Variants in SCFD1 observed in about 807,000 individuals in gnomAD.
SCFD1 encodes sec1 family domain-containing protein 1.
A neutral mutation model predicts 103.2 loss-of-function variants in SCFD1; 37 were observed. The ratio of observed to expected loss-of-function variants is 0.36; its 90% CI spans 0.28 to 0.47. The LOEUF is 0.47. Ranked by LOEUF, SCFD1 falls within the 20% of genes least tolerant of loss-of-function variation. The pLI, the probability that SCFD1 is intolerant of heterozygous loss-of-function variation, is 1.00. For synonymous variants in SCFD1, 264 were observed against 245.0 expected (o/e 1.08, Z -0.73); for missense variants, 639 against 761.2 (o/e 0.84, Z 1.89).
chr14:30,722,368 TTAA>T, intron 22 of SCFD1, 123 bp from the exon 23 acceptor site: 1 of 595,878 alleles, frequency 1.7e-6, no homozygotes, highest in Non-Finnish European at 2.8e-6. Flanking sequence ...GAAACATTTC[TTAA>T]TAATTAAAAT....
chr14:30,720,607 A>C (rs1371636747), intron 21 of SCFD1, among the ~76,000 whole-genome samples: 1 of 151,958 alleles, frequency 6.6e-6, no homozygotes, highest in Non-Finnish European at 1.5e-5. Flanking sequence ...TGTACACACT[A>C]TTTTTTTCTT....
intron 15 of SCFD1, among the ~76,000 whole-genome samples, chr14:30,695,774 A>G (rs1029924978): frequency 6.6e-6 from 1 of 151,860 alleles, no homozygotes; most frequent in Non-Finnish European, 1.5e-5. Flanking sequence ...TGGGAGACTG[A>G]GGTGGGAGGA....
intron 14 of SCFD1, among the ~76,000 whole-genome samples, chr14:30,692,957 C>T (rs112688777): frequency 0.016 from 2,496 of 152,226 alleles, 89 homozygotes; most frequent in African/African-American, 0.057. Flanking sequence ...CTACTGTGGC[C>T]TTTTTCCTAG....
chr14:30,718,121 T>C (rs1354440735), intron 20 of SCFD1, among the ~76,000 whole-genome samples: 1 of 152,194 alleles, frequency 6.6e-6, no homozygotes, highest in Non-Finnish European at 1.5e-5. Context: ...ATTCCCTTCA[T>C]GGAATCCCAG....
chr14:30,654,574 T>C (rs755531707), intron 10 of SCFD1, among the ~76,000 whole-genome samples: 13 of 151,670 alleles, frequency 8.6e-5, no homozygotes, highest in African/African-American at 1.2e-4. Flanking sequence ...TTTGGGTGGC[T>C]GAGGCTTGAG....
At chr14:30,682,616 C>T (rs990517489) in intron 14 of SCFD1, among the ~76,000 whole-genome samples, 5 of 152,108 alleles carry the variant, frequency 3.3e-5, no homozygotes, top group Admixed American at 3.3e-4. Flanking sequence ...CAATAATGAA[C>T]AAGCAGTCTC....
chr14:30,634,046 G>A lies in SCFD1; in HGVS notation c.312+9G>A, dbSNP rs878960889. On this transcript the variant is annotated intron_variant, in intron 4 of 24. Transcript: ENST00000458591. ...TTGACAGAATGTGCCAGGTAATATG[G>A]GTTCTTATTTTCTGGACTCCTGAAT... 3 of 1,493,436 alleles carry A rather than the reference G, an allele frequency of 2.0e-6. No homozygotes were observed. Among genetic ancestry groups the A allele is most frequent in the South Asian group, 2.5e-5 (2 of 80,652 alleles). The allele number at this position is 1,493,436 out of a possible 1,614,324, so 92.5% of individuals were successfully genotyped here. A position where few individuals can be genotyped will look rare whatever the true frequency, so the allele number is the denominator to read the frequency against.
chr14:30,698,143 G>A (rs367674519), intron 15 of SCFD1, among the ~76,000 whole-genome samples: 1 of 152,162 alleles, frequency 6.6e-6, no homozygotes, highest in Non-Finnish European at 1.5e-5. Context: ...TCTCCAAACT[G>A]TACTTAAAAT....
chr14:30,701,977 TTTAG>T (rs1401395957), intron 16 of SCFD1, among the ~76,000 whole-genome samples: 1 of 152,198 alleles, frequency 6.6e-6, no homozygotes, highest in African/African-American at 2.4e-5. Context: ...AAATCATTCA[TTTAG>T]TGTGTGTCCT....
chr14:30,694,654 C>T, intron 14 of SCFD1, 119 bp from the exon 15 acceptor site: 2 of 1,337,770 alleles, frequency 1.5e-6, no homozygotes, highest in South Asian at 1.8e-5. Context: ...GTACTTTTGA[C>T]CTGTCTGAAA....
intron 20 of SCFD1, among the ~76,000 whole-genome samples, chr14:30,718,380 A>G (rs146375895): frequency 2.6e-5 from 4 of 152,376 alleles, no homozygotes; most frequent in Admixed American, 2.0e-4. Flanking sequence ...TTCATTGATC[A>G]GTTCCCTTGA....
At chr14:30,636,391 G>A (rs1884723629) in intron 4 of SCFD1, among the ~76,000 whole-genome samples, 1 of 151,464 alleles carries the variant, frequency 6.6e-6, no homozygotes, top group Non-Finnish European at 1.5e-5. Flanking sequence ...ATTCCCCTTT[G>A]CATTATTTTT....
chr14:30,646,904 G>T (rs1885889722), intron 7 of SCFD1, among the ~76,000 whole-genome samples: 1 of 152,082 alleles, frequency 6.6e-6, no homozygotes, highest in South Asian at 2.1e-4. Flanking sequence ...GTTCATAGGG[G>T]TGTTTGTAAT....
intron 9 of SCFD1, among the ~76,000 whole-genome samples, 178 bp downstream of exon 9, chr14:30,650,828 A>G (rs1265009537): frequency 6.6e-6 from 1 of 152,136 alleles, no homozygotes; most frequent in Non-Finnish European, 1.5e-5. Flanking sequence ...ATTTTATTCA[A>G]TTTACCTTTT....
At chr14:30,632,045 T>TG (rs199734912) in intron 3 of SCFD1, among the ~76,000 whole-genome samples, 1 of 81,204 alleles carries the variant, frequency 1.2e-5, no homozygotes, top group Non-Finnish European at 2.1e-5. Context: ...AAGATTCTGT[T>TG]GAAAAAAAAA....
rs756675520 is a variant in SCFD1 at position 30,673,914 on chromosome 14, T to C, written c.1087-10T>C. On this transcript the variant is annotated splice_polypyrimidine_tract_variant and intron_variant, in intron 12 of 24. Coordinates refer to ENST00000458591, the MANE Select transcript of SCFD1 (RefSeq NM_016106.4). ...TTTGAGTAGCTATTGAGACCTTTTT[T>C]CTTTACAAGGGACTAGAAGGGGAAG... 1.2e-6 allele frequency: 2 copies of C among 1,609,598 alleles called. No homozygotes were observed. Among genetic ancestry groups the C allele is most frequent in the East Asian group, 2.2e-5 (1 of 44,786 alleles).
At chr14:30,692,475 G>A (rs750342781) in intron 14 of SCFD1, among the ~76,000 whole-genome samples, 12 of 152,170 alleles carry the variant, frequency 7.9e-5, no homozygotes, top group Non-Finnish European at 1.5e-4. Context: ...GGGATTGAAG[G>A]AAGAGTTGTA....
rs1251815461 is a variant in SCFD1, at chr14:30,734,821, G to T, written c.1868G>T (p.Cys623Phe). Residue 623 changes from cysteine to phenylalanine, a missense_variant, in exon 24 of 25, where the codon TGC (cysteine) becomes TTC (phenylalanine). By Grantham distance (205) the Cys-to-Phe change is radical. Coordinates refer to ENST00000458591, the MANE Select transcript of SCFD1 (RefSeq NM_016106.4). ...CAAGGCAAACACATTTTATATGGCT[G>T]CAGTGAGCTTTTTAATGCTACACAG... is the stretch of plus-strand genomic sequence containing the variant. ...GKQGKHILYG[C>F]SELFNATQFI... The T allele has an allele frequency of 6.2e-7, 1 of 1,613,520 alleles. No individual in the cohort carries two copies. Among genetic ancestry groups the T allele is most frequent in the African/African-American group, 1.3e-5 (1 of 74,922 alleles).
Position 30,723,854 on chromosome 14 carries a change from G to A in SCFD1, c.1836+1295G>A, listed in dbSNP as rs1892825352. Among the ~76,000 whole-genome samples, 4 of 152,220 alleles carry A rather than the reference G, an allele frequency of 2.6e-5. No homozygotes were observed. In the South Asian group the frequency reaches 8.3e-4, roughly 32 times the overall value. The stretch of plus-strand genomic sequence containing the variant: ...TGCTATCGTGAACAGTGCTGCAAGT[G>A]AACATACCTGTGCATGCATCTTTAT... On this transcript the variant is annotated intron_variant, in intron 23 of 24. Transcript: ENST00000458591.
Sources: allele counts gnomAD v4.1 joint callset (sites outside exome capture counted in the v4.1 genomes callset), GRCh38; gene constraint gnomAD v4.1.1; transcripts MANE v1.5; gene names NCBI Gene and HGNC (gene_info 2026-07-23, HGNC 2026-07-21).